The following NXF3 variants were observed in gnomAD, a reference collection of about 807,000 sequenced individuals.
NXF3 encodes TAP-like protein 3.
In NXF3, 34 loss-of-function variants were observed where a neutral mutation model predicts 48.4. That is an observed-to-expected ratio of 0.70 (90% confidence interval 0.53 to 0.93). The LOEUF is 0.93. Among genes scored for constraint, NXF3 ranks in the 40% least tolerant of loss-of-function variants. The pLI is 0.00. For synonymous variants in NXF3, 132 were observed against 145.7 expected (o/e 0.91, Z 0.68); for missense variants, 359 against 406.1 (o/e 0.88, Z 1.00).
intron 17 of NXF3, 89 bp downstream of exon 17, chrX:103,078,471 T>G (rs1008496962): frequency 1.4e-5 from 17 of 1,173,428 alleles, no homozygotes; most frequent in South Asian, 3.6e-5. Context: ...TTTACAACAT[T>G]GAGAACACCC....
rs372933767 is a variant in NXF3 at position 103,079,207 on chromosome X, C to A, written c.1378+14G>T. The A allele has an allele frequency of 2.8e-5, 34 of 1,206,927 alleles. No individual in the cohort carries two copies. The African/African-American group carries it at 4.9e-4, about 17-fold the overall frequency. On this transcript the variant is annotated intron_variant, in intron 16 of 19. Coordinates refer to ENST00000395065, the MANE Select transcript of NXF3 (RefSeq NM_022052.2). ...GAGTGGGGGATCTGGGGAAGGGACTCTACAGACACTCACCTTCCTTGAACA... is the reference window on the plus strand; with the variant it reads ...GAGTGGGGGATCTGGGGAAGGGACTATACAGACACTCACCTTCCTTGAACA...
chrX:103,079,157 A>T, intron 16 of NXF3, 64 bp downstream of exon 16: 1 of 1,097,364 alleles, frequency 9.1e-7, no homozygotes, highest in Non-Finnish European at 1.3e-6. Flanking sequence ...GAGTTCTGAG[A>T]TGGAGCCCAG....
intron 18 of NXF3, 149 bp downstream of exon 18, chrX:103,077,465 G>A (rs1921899401): frequency 1.8e-6 from 1 of 565,118 alleles, no homozygotes; most frequent in Non-Finnish European, 2.8e-6. Context: ...TGTTAGCCAG[G>A]ATGGTCTCAA....
At chrX:103,082,139 G>A (rs1288086494) in intron 9 of NXF3, 116 bp downstream of exon 9, 3 of 544,323 alleles carry the variant, frequency 5.5e-6, no homozygotes, top group Non-Finnish European at 6.7e-6. Context: ...GGAGTGGGGC[G>A]AGGGGGAAGG....
chrX:103,082,138 C>T (rs5945756), intron 9 of NXF3, 117 bp downstream of exon 9: 11 of 541,908 alleles, frequency 2.0e-5, no homozygotes, highest in African/African-American at 4.5e-5. Flanking sequence ...AGGAGTGGGG[C>T]GAGGGGGAAG....
intron 17 of NXF3, among the ~76,000 whole-genome samples, chrX:103,078,096 G>T (rs7053839): frequency 9.0e-6 from 1 of 111,722 alleles, no homozygotes; most frequent in African/African-American, 3.3e-5. Context: ...AGTGAGTATT[G>T]CATCAGGAAA....
chrX:103,076,423 G>A, intron 18 of NXF3, 122 bp from the exon 19 acceptor site: 3 of 758,778 alleles, frequency 4.0e-6, no homozygotes, highest in Non-Finnish European at 6.0e-6. Context: ...ATTTATTGCA[G>A]CAGAAGGAAC....
chrX:103,082,938 G>C, intron 7 of NXF3, 66 bp downstream of exon 7: 1 of 1,149,276 alleles, frequency 8.7e-7, no homozygotes. Context: ...GTTGCCAACC[G>C]TAAGTCTCCA....
At position 103,077,515 on chromosome X, in the gene NXF3, G is replaced by A. The variant is rs764491229; in HGVS notation, c.1584+99C>T. The A allele has an allele frequency of 8.0e-6, 8 of 1,002,562 alleles. No homozygotes were observed. In the Admixed American group the frequency reaches 1.2e-4, roughly 15 times the overall value. The allele number at this position is 1,002,562 out of a possible 1,213,427, so 82.6% of individuals were successfully genotyped here. A position where few individuals can be genotyped will look rare whatever the true frequency, so the allele number is the denominator to read the frequency against. ...GATTCGCCCGCCTCGGCCTCCCAAA[G>A]TGCTGGGATTACAGGCGTGAGCCAC... is the stretch of plus-strand genomic sequence containing the variant. On this transcript the variant is annotated intron_variant, in intron 18 of 19. Coordinates refer to ENST00000395065, the MANE Select transcript of NXF3 (RefSeq NM_022052.2).
At chrX:103,088,999 A>G in intron 1 of NXF3, 1 of 1,171,566 alleles carries the variant, frequency 8.5e-7, no homozygotes, top group Non-Finnish European at 1.2e-6. Context: ...TGTCTTCCTA[A>G]TGTACTTTTG....
intron 1 of NXF3, among the ~76,000 whole-genome samples, chrX:103,089,719 T>C (rs1181460082): frequency 8.9e-6 from 1 of 112,146 alleles, no homozygotes; most frequent in Non-Finnish European, 1.9e-5. Context: ...ACATTTCATA[T>C]GAAAGCATAA....
At chrX:103,088,060 A>G in intron 1 of NXF3, 2 of 900,605 alleles carry the variant, frequency 2.2e-6, no homozygotes, top group South Asian at 2.1e-5. Context: ...CTCAATTTAT[A>G]TTGTCCCTTT....
At chrX:103,077,587 C>G (rs1297315994) in intron 18 of NXF3, 27 bp downstream of exon 18, 1 of 1,206,073 alleles carries the variant, frequency 8.3e-7, no homozygotes, top group African/African-American at 1.8e-5. Context: ...TAGTTCATCC[C>G]CCAGACTGGG....
chrX:103,079,318 T>C, intron 15 of NXF3, 41 bp downstream of exon 15: 1 of 1,208,802 alleles, frequency 8.3e-7, no homozygotes, highest in East Asian at 3.0e-5. Context: ...TACCCACCTC[T>C]GGCTTTCTGG....
At chrX:103,089,390 G>C (rs998701476) in intron 1 of NXF3, 12 of 300,159 alleles carry the variant, frequency 4.0e-5, no homozygotes, top group African/African-American at 3.3e-4. Context: ...TGGTTTCACA[G>C]GCATTTGTTT....
rs1921927296 is a variant in NXF3, at chrX:103,078,567, T to C, written c.1444A>G (p.Ser482Gly). ...TRTFIATPGS[S>G]SSLCIVNDKL... ...CCACAACACAGCACTAACCTGGAAC[T>C]GCTGCCAGGGGTAGCAATGAAGGTC... The change falls in exon 17 of 20, where the codon AGT becomes GGT. Residue 482 changes from serine to glycine, a missense_variant. By Grantham distance (56) the Ser-to-Gly change is moderately conservative. Transcript: ENST00000395065. The C allele has an allele frequency of 8.3e-7, 1 of 1,210,727 alleles. No homozygotes were observed. The highest frequency in any genetic ancestry group is 2.2e-5 in the Admixed American group (1 of 45,878).
In NXF3 at chrX:103,082,352, C is replaced by T; in HGVS notation, c.793G>A (p.Gly265Arg). The change falls in exon 9 of 20, where the codon GGG becomes AGG. Residue 265 changes from glycine to arginine, a missense_variant. Transcript: ENST00000395065. ...ATCCCTTTCCACTTGTCCATCTCCC[C>T]TGCAGACATCACCTGCAATTATGCA... ...EENIPTVMSA[G>R]EMDKWKGIEP... 5 of 1,194,802 alleles carry T rather than the reference C, an allele frequency of 4.2e-6. No individual in the cohort carries two copies. The highest frequency in any genetic ancestry group is 1.8e-5 in the South Asian group (1 of 56,058).
rs377648101 is a variant in NXF3, at chrX:103,082,681, G to T, written c.780+79C>A. ...ACTAAGAGTGAAGGCCCCCAACAGG[G>T]GATATCTTAGACCAATTAGCCTCCT... On this transcript the variant is annotated intron_variant, in intron 8 of 19. Coordinates refer to ENST00000395065, the MANE Select transcript of NXF3 (RefSeq NM_022052.2). The T allele has an allele frequency of 7.3e-6, 6 of 824,000 alleles. No homozygotes were observed. In the African/African-American group the frequency reaches 1.0e-4, roughly 14 times the overall value. 67.9% of individuals were successfully genotyped at this position (824,000 alleles called of 1,213,427 possible).
At chrX:103,082,693 C>T (rs1482831890) in intron 8 of NXF3, 67 bp downstream of exon 8, 1 of 900,160 alleles carries the variant, frequency 1.1e-6, no homozygotes, top group Non-Finnish European at 1.6e-6. Context: ...ATATCTTAGA[C>T]CAATTAGCCT....
Sources: gnomAD v4.1 joint callset for allele counts (sites outside exome capture counted in the v4.1 genomes callset) on GRCh38, gnomAD v4.1.1 for gene constraint, MANE v1.5 for transcripts, NCBI Gene and HGNC (gene_info 2026-07-23, HGNC 2026-07-21) for gene names.